Variants in IFTAP observed in about 807,000 individuals in gnomAD.
IFTAP encodes intraflagellar transport associated protein.
IFTAP carries 19 observed loss-of-function variants against 19.4 expected under a neutral mutation model. That is an observed-to-expected ratio of 0.98 (90% CI 0.68 to 1.44). IFTAP has a LOEUF of 1.44. Among genes scored for constraint, IFTAP ranks in the 40% most tolerant of loss-of-function variants. The pLI, the probability that IFTAP is intolerant of heterozygous loss-of-function variation, is 0.00. For missense variants in IFTAP, 240 were observed against 253.6 expected (o/e 0.95, Z 0.36); for synonymous variants, 85 against 83.5 (o/e 1.02, Z -0.10).
chr11:36,605,517 C>T (rs1451987903), intron 1 of IFTAP, among the ~76,000 whole-genome samples: 1 of 152,142 alleles, frequency 6.6e-6, no homozygotes, highest in African/African-American at 2.4e-5. Context: ...AATGTTCTTT[C>T]AGAGAGCACA....
intron 4 of IFTAP, among the ~76,000 whole-genome samples, chr11:36,643,508 A>T (rs1853325833): frequency 6.6e-6 from 1 of 152,220 alleles, no homozygotes. Context: ...TTTAAAGTTC[A>T]TATGGAACCA....
chr11:36,643,362 T>C (rs918073633), intron 4 of IFTAP, among the ~76,000 whole-genome samples: 9 of 152,310 alleles, frequency 5.9e-5, no homozygotes, highest in African/African-American at 1.9e-4. Context: ...TACAAACAAA[T>C]GGACGAACAT....
chr11:36,647,546 A>G (rs1853537329), intron 4 of IFTAP, among the ~76,000 whole-genome samples: 1 of 152,152 alleles, frequency 6.6e-6, no homozygotes, highest in South Asian at 2.1e-4. Flanking sequence ...GCTGAAAGTT[A>G]AAGTACTTTC....
chr11:36,656,670 C>T (rs1346768877), intron 5 of IFTAP, among the ~76,000 whole-genome samples: 2 of 152,006 alleles, frequency 1.3e-5, no homozygotes, highest in Non-Finnish European at 2.9e-5. Context: ...GCACGTGATA[C>T]TGAAATCATT....
chr11:36,658,329 G>A (rs958584726), intron 5 of IFTAP, among the ~76,000 whole-genome samples: 60 of 146,104 alleles, frequency 4.1e-4, no homozygotes, highest in African/African-American at 1.3e-3. Flanking sequence ...TGGAAAATAT[G>A]CTTTTTTATC....
At chr11:36,599,107 C>T (rs1851404312) in intron 1 of IFTAP, among the ~76,000 whole-genome samples, 1 of 152,138 alleles carries the variant, frequency 6.6e-6, no homozygotes, top group Non-Finnish European at 1.5e-5. Context: ...GATTCTCCTA[C>T]CTCAGCCTCC....
chr11:36,658,493 G>T (rs1854089398), intron 5 of IFTAP, among the ~76,000 whole-genome samples: 1 of 152,088 alleles, frequency 6.6e-6, no homozygotes, highest in Non-Finnish European at 1.5e-5. Flanking sequence ...TTTAAAATAT[G>T]TTTCAAGTTT....
At chr11:36,646,101 C>G (rs961733558) in intron 4 of IFTAP, among the ~76,000 whole-genome samples, 4 of 152,158 alleles carry the variant, frequency 2.6e-5, no homozygotes, top group African/African-American at 9.7e-5. Context: ...ATGAAAGAAA[C>G]CATTTTTGTT....
intron 2 of IFTAP, among the ~76,000 whole-genome samples, chr11:36,627,519 T>A (rs193252485): frequency 6.6e-6 from 1 of 151,348 alleles, no homozygotes; most frequent in East Asian, 1.9e-4. Flanking sequence ...AAATCAGTTG[T>A]GCATAGACTT....
chr11:36,620,959 T>A (rs999463140), intron 2 of IFTAP, among the ~76,000 whole-genome samples: 2 of 152,094 alleles, frequency 1.3e-5, no homozygotes, highest in South Asian at 2.1e-4. Context: ...TGAACTTTTG[T>A]AGACAAATGG....
intron 2 of IFTAP, among the ~76,000 whole-genome samples, chr11:36,632,584 G>A (rs1852769060): frequency 1.3e-5 from 2 of 151,282 alleles, no homozygotes; most frequent in Non-Finnish European, 2.9e-5. Context: ...AGCCTAAGTA[G>A]ATAATCGTGA....
chr11:36,629,071 C>T (rs1358305266), intron 2 of IFTAP, among the ~76,000 whole-genome samples: 1 of 151,292 alleles, frequency 6.6e-6, no homozygotes, highest in Non-Finnish European at 1.5e-5. Context: ...TTTTAAATTG[C>T]TTATTTAGTT....
intron 4 of IFTAP, among the ~76,000 whole-genome samples, chr11:36,643,335 A>G (rs979883410): frequency 2.6e-5 from 4 of 152,210 alleles, no homozygotes; most frequent in African/African-American, 9.6e-5. Context: ...CCAACTGCTC[A>G]ATGAAATAAA....
At position 36,610,180 on chromosome 11, in the gene IFTAP, A is replaced by AT; in HGVS notation, c.79dup (p.Cys27LeufsTer3). Reference sequence around the variant, plus strand: ...AAAGACGTCTTGGATAAATTCCTTAATTGTCATGAGCAAACATATGATGAA... The same window carrying AT: ...AAAGACGTCTTGGATAAATTCCTTAATTTGTCATGAGCAAACATATGATGAA... On this transcript the variant is annotated frameshift_variant, in exon 2 of 6. Transcript: ENST00000334307. LOFTEE classifies it high-confidence loss of function. The AT allele has an allele frequency of 6.2e-7, 1 of 1,610,764 alleles. No individual in the cohort carries two copies. Among genetic ancestry groups the AT allele is most frequent in the South Asian group, 1.1e-5 (1 of 90,982 alleles).
chr11:36,637,032 TG>T (rs1194505540), intron 4 of IFTAP, among the ~76,000 whole-genome samples: 2 of 152,128 alleles, frequency 1.3e-5, no homozygotes, highest in African/African-American at 2.4e-5. Context: ...GTTTGGTTGT[TG>T]ATGTTTAACT....
intron 2 of IFTAP, among the ~76,000 whole-genome samples, chr11:36,625,810 A>C (rs947246948): frequency 1.3e-5 from 2 of 152,178 alleles, no homozygotes; most frequent in Non-Finnish European, 2.9e-5. Flanking sequence ...AGGAGGATTT[A>C]GGGTTGCAAT....
In IFTAP at chr11:36,597,985, C is replaced by T. The variant is rs1042069006; in HGVS notation, c.-24+3393C>T. 2.6e-5 allele frequency: 4 copies of T among 152,250 alleles called. No individual in the cohort carries two copies. In the East Asian group the frequency reaches 5.8e-4, roughly 22 times the overall value. 9.4% of individuals were successfully genotyped at this position (152,250 alleles called of 1,614,324 possible). On this transcript the variant is annotated intron_variant, in intron 1 of 5. Transcript: ENST00000334307. ...TCTACTCATCCCTTCCCTATCTAGA[C>T]ACCAAATCCACTTGTGACTAACACA...
intron 2 of IFTAP, among the ~76,000 whole-genome samples, chr11:36,617,340 A>G (rs769242460): frequency 8.0e-5 from 12 of 150,522 alleles, no homozygotes; most frequent in African/African-American, 2.9e-4. Flanking sequence ...ACTTGGCTGA[A>G]TATCAGGAGA....
At chr11:36,601,457 A>G (rs1404648351) in intron 1 of IFTAP, among the ~76,000 whole-genome samples, 2 of 152,236 alleles carry the variant, frequency 1.3e-5, no homozygotes, top group African/African-American at 4.8e-5. Context: ...CCTGACCAGA[A>G]TGACTGGTAT....
Sources: gnomAD v4.1 joint callset for allele counts (sites outside exome capture counted in the v4.1 genomes callset) on GRCh38, gnomAD v4.1.1 for gene constraint, MANE v1.5 for transcripts, NCBI Gene and HGNC (gene_info 2026-07-23, HGNC 2026-07-21) for gene names.